Variants in FRMD3 observed in about 807,000 individuals in gnomAD.
FRMD3 encodes the protein FERM domain containing 3, also known as FERM domain-containing protein 3.
A neutral mutation model predicts 70.2 loss-of-function variants in FRMD3; 33 were observed. That is an observed-to-expected ratio of 0.47 (90% confidence interval 0.36 to 0.63). FRMD3 has a LOEUF of 0.63. Among genes scored for constraint, FRMD3 ranks in the 20% least tolerant of loss-of-function variants. FRMD3 has a pLI of 0.00. For missense variants in FRMD3, 632 were observed against 711.4 expected (o/e 0.89, Z 1.27); for synonymous variants, 279 against 255.9 (o/e 1.09, Z -0.86).
intron 1 of FRMD3, among the ~76,000 whole-genome samples, chr9:83,486,937 G>A (rs1828702639): frequency 1.3e-5 from 2 of 152,190 alleles, no homozygotes; most frequent in South Asian, 4.1e-4. Context: ...TGCATTAACA[G>A]TGACATCTGG....
intron 1 of FRMD3, among the ~76,000 whole-genome samples, chr9:83,472,622 T>C (rs1828295695): frequency 2.0e-5 from 3 of 152,198 alleles, no homozygotes; most frequent in Non-Finnish European, 4.4e-5. Context: ...CGGTGACTTT[T>C]ATTTCATGAG....
intron 5 of FRMD3, among the ~76,000 whole-genome samples, chr9:83,339,330 T>C (rs1340143428): frequency 6.6e-6 from 1 of 152,168 alleles, no homozygotes. Flanking sequence ...TTCTAGCTAT[T>C]CATACCAAGA....
In FRMD3 at chr9:83,245,423, T is replaced by C. The variant is rs929985546; in HGVS notation, c.*2495A>G. On this transcript the variant is annotated 3_prime_UTR_variant, in exon 14 of 14. Coordinates refer to ENST00000304195, the MANE Select transcript of FRMD3 (RefSeq NM_174938.6). ...GCATTTCAAGATTCCAGTTTAACTT[T>C]TGATGGCTGTTTAAATTCAGCAGAC... 9 of 985,328 alleles carry C rather than the reference T, an allele frequency of 9.1e-6. No individual in the cohort carries two copies. In the African/African-American group the frequency reaches 1.4e-4, roughly 15 times the overall value. 61.0% of individuals were successfully genotyped at this position (985,328 alleles called of 1,614,324 possible).
At chr9:83,374,526 G>A (rs1375627081) in intron 2 of FRMD3, among the ~76,000 whole-genome samples, 1 of 152,174 alleles carries the variant, frequency 6.6e-6, no homozygotes, top group Non-Finnish European at 1.5e-5. Flanking sequence ...AGCTATAACT[G>A]AACAGTGGAA....
At chr9:83,291,249 T>A (rs1834408170) in intron 12 of FRMD3, among the ~76,000 whole-genome samples, 1 of 152,212 alleles carries the variant, frequency 6.6e-6, no homozygotes, top group African/African-American at 2.4e-5. Context: ...TACACCCTAC[T>A]CACTAACTGG....
the FRMD3 span, among the ~76,000 whole-genome samples, chr9:83,554,610 T>C: frequency 2.0e-5 from 3 of 152,224 alleles, no homozygotes; most frequent in Non-Finnish European, 4.4e-5. Flanking sequence ...CTTGGGTCGA[T>C]TGCAGCTTGA....
intron 3 of FRMD3, among the ~76,000 whole-genome samples, chr9:83,356,938 T>G (rs1309068392): frequency 6.6e-6 from 1 of 151,712 alleles, no homozygotes; most frequent in African/African-American, 2.4e-5. Context: ...ATCATTTTTA[T>G]GCCTTGTAGC....
Position 83,349,660 on chromosome 9 carries a change from A to T in FRMD3, c.374+19T>A. The T allele has an allele frequency of 6.3e-7, 1 of 1,585,204 alleles. No individual in the cohort carries two copies. The highest frequency in any genetic ancestry group is 1.1e-5 in the South Asian group (1 of 89,274). ...CTGGTTAAAGGTGCACGTTAAACAT[A>T]CAAACAAACAAAAAATACCTTGTGA... is the stretch of plus-strand genomic sequence containing the variant. On this transcript the variant is annotated intron_variant, in intron 4 of 13. Transcript: ENST00000304195.
rs1824755853 is a variant in FRMD3 at position 83,365,462 on chromosome 9, T to C, written c.295+7451A>G. 2.0e-5 allele frequency among the ~76,000 whole-genome samples: 3 copies of C among 152,192 alleles called. No individual in the cohort carries two copies. The South Asian group carries it at 6.2e-4, about 31-fold the overall frequency. On this transcript the variant is annotated intron_variant, in intron 3 of 13. Coordinates refer to ENST00000304195, the MANE Select transcript of FRMD3 (RefSeq NM_174938.6). The stretch of plus-strand genomic sequence containing the variant: ...TTTCCCCATTACATTTGAAAAACAG[T>C]TAGTGCTTGTGTATAAGGCAGCTAT...
chr9:83,444,773 T>G (rs1827406592), intron 1 of FRMD3, among the ~76,000 whole-genome samples: 1 of 152,196 alleles, frequency 6.6e-6, no homozygotes, highest in South Asian at 2.1e-4. Context: ...CCTATTTTCT[T>G]GTGCAGCCCC....
intron 13 of FRMD3, among the ~76,000 whole-genome samples, chr9:83,258,312 G>C (rs1832819511): frequency 6.6e-6 from 1 of 152,228 alleles, no homozygotes; most frequent in South Asian, 2.1e-4. Flanking sequence ...AATGGAAGGA[G>C]CAGCACTCAC....
chr9:83,584,733 A>T, the FRMD3 span, among the ~76,000 whole-genome samples: 730 of 152,280 alleles, frequency 4.8e-3, 5 homozygotes, highest in Non-Finnish European at 7.4e-3. Context: ...CTCAGGGAAT[A>T]AGGCAGGCTC....
intron 10 of FRMD3, among the ~76,000 whole-genome samples, chr9:83,308,102 C>A (rs1231712303): frequency 6.6e-6 from 1 of 152,148 alleles, no homozygotes; most frequent in Non-Finnish European, 1.5e-5. Flanking sequence ...GTCATCTCAC[C>A]CAGTGGTGTT....
chr9:83,514,816 C>A (rs1587505939), intron 1 of FRMD3, among the ~76,000 whole-genome samples: 1 of 152,302 alleles, frequency 6.6e-6, no homozygotes, highest in Non-Finnish European at 1.5e-5. Flanking sequence ...GATACCCAGG[C>A]AAATGGGGTC....
At chr9:83,278,363 G>A (rs939329771) in intron 13 of FRMD3, among the ~76,000 whole-genome samples, 4 of 152,184 alleles carry the variant, frequency 2.6e-5, no homozygotes, top group African/African-American at 9.7e-5. Flanking sequence ...CCTGGCTACT[G>A]TATGGAAAAT....
chr9:83,372,645 A>G (rs1376956487), intron 3 of FRMD3, among the ~76,000 whole-genome samples: 1 of 152,082 alleles, frequency 6.6e-6, no homozygotes, highest in Non-Finnish European at 1.5e-5. Flanking sequence ...TTAACCATCC[A>G]ATTCCAAAGC....
At chr9:83,426,399 A>G (rs1186976162) in intron 1 of FRMD3, among the ~76,000 whole-genome samples, 2 of 152,248 alleles carry the variant, frequency 1.3e-5, no homozygotes, top group Middle Eastern at 3.2e-3. Flanking sequence ...CTCAAGAAAC[A>G]TATGGACAGA....
chr9:83,577,254 C>T, the FRMD3 span, among the ~76,000 whole-genome samples: 1 of 151,808 alleles, frequency 6.6e-6, no homozygotes, highest in African/African-American at 2.4e-5. Context: ...ATAAAGGACC[C>T]AGAGCAGCCA....
chr9:83,367,044 A>C (rs1248237312), intron 3 of FRMD3, among the ~76,000 whole-genome samples: 2 of 152,302 alleles, frequency 1.3e-5, no homozygotes, highest in East Asian at 3.9e-4. Flanking sequence ...AAAAACAAAA[A>C]AAAAATTATA....
Sources: gnomAD v4.1 joint callset for allele counts (sites outside exome capture counted in the v4.1 genomes callset) on GRCh38, gnomAD v4.1.1 for gene constraint, MANE v1.5 for transcripts, NCBI Gene and HGNC (gene_info 2026-07-23, HGNC 2026-07-21) for gene names.